The following TBX20 variants were observed in gnomAD, a reference collection of about 807,000 sequenced individuals.
TBX20 encodes the protein T-box transcription factor 20.
In TBX20, 8 loss-of-function variants were observed where a neutral mutation model predicts 42.9. That is an observed-to-expected ratio of 0.19 (90% CI 0.11 to 0.34). The LOEUF is 0.34. Among genes scored for constraint, TBX20 ranks in the 10% least tolerant of loss-of-function variants. The pLI is 1.00. For missense variants in TBX20, 411 were observed against 566.0 expected, an observed-to-expected ratio of 0.73 and a Z score of 2.78; for synonymous variants, 198 against 222.8, an observed-to-expected ratio of 0.89 and a Z score of 0.99.
At chr7:35,212,877 TA>T (rs1394702649) in intron 6 of TBX20, among the ~76,000 whole-genome samples, 1 of 152,212 alleles carries the variant, frequency 6.6e-6, no homozygotes, top group Non-Finnish European at 1.5e-5. Flanking sequence ...AGGGATCCTC[TA>T]TAAATCTTTG....
chr7:35,222,416 C>T (rs773646671), intron 6 of TBX20, among the ~76,000 whole-genome samples: 4 of 152,072 alleles, frequency 2.6e-5, no homozygotes, highest in African/African-American at 4.8e-5. Context: ...AGAAATGGTT[C>T]AAAGAAGCAC....
chr7:35,222,785 G>A (rs1301088031), intron 6 of TBX20, among the ~76,000 whole-genome samples: 8 of 152,192 alleles, frequency 5.3e-5, no homozygotes, highest in South Asian at 2.1e-4. Flanking sequence ...GAGGCAACTG[G>A]GTCAGGTGGG....
rs367655217 is a variant in TBX20, at chr7:35,250,226, A to C, written c.128-23T>G. The C allele has an allele frequency of 5.0e-6, 8 of 1,613,624 alleles. No homozygotes were observed. The African/African-American group carries it at 1.1e-4, about 22-fold the overall frequency. On this transcript the variant is annotated intron_variant, in intron 1 of 7. Transcript: ENST00000408931. ...GCTCTGGAGGTAAAGAGAATTGTGA[A>C]TGACAGCTGACACTGTTCAACAAGG...
chr7:35,249,920 C>G lies in TBX20; in HGVS notation c.380+31G>C. ...CCCAGGGAGTGTCCTGACTCTCCAC[C>G]CCCAACCCCCAACCCCCAAGTCCCA... On this transcript the variant is annotated intron_variant, in intron 2 of 7. Coordinates refer to ENST00000408931, the MANE Select transcript of TBX20 (RefSeq NM_001077653.2). This position sits in a 1 kb window ranked among gnomAD's most constrained non-coding sequence, Gnocchi z 4.3. 1 of 1,582,424 alleles carries G rather than the reference C, an allele frequency of 6.3e-7. No individual in the cohort carries two copies. The highest frequency in any genetic ancestry group is 1.3e-5 in the African/African-American group (1 of 74,638).
chr7:35,215,478 A>G (rs578252081), intron 6 of TBX20, among the ~76,000 whole-genome samples: 127 of 152,298 alleles, frequency 8.3e-4, no homozygotes, highest in Non-Finnish European at 1.5e-3. Context: ...CTGAAAAATG[A>G]GAATGGCTCA....
At chr7:35,253,421 G>T in intron 1 of TBX20, 73 bp downstream of exon 1, 1 of 1,544,466 alleles carries the variant, frequency 6.5e-7, no homozygotes. Context: ...GCTGCGAGCC[G>T]CCTGCAGCCA....
chr7:35,237,648 T>C (rs1397056620), intron 5 of TBX20, among the ~76,000 whole-genome samples: 1 of 152,076 alleles, frequency 6.6e-6, no homozygotes, highest in Non-Finnish European at 1.5e-5. Context: ...GTGGAAGGCA[T>C]GTGAGGTTCA....
intron 6 of TBX20, among the ~76,000 whole-genome samples, chr7:35,229,368 A>G: frequency 6.6e-6 from 1 of 152,156 alleles, no homozygotes; most frequent in Non-Finnish European, 1.5e-5. Flanking sequence ...TTAGGTCTCT[A>G]AAGATCAATT....
At chr7:35,245,319 G>GGGGTGTGTGT (rs1554287407) in intron 3 of TBX20, among the ~76,000 whole-genome samples, 5 of 146,398 alleles carry the variant, frequency 3.4e-5, no homozygotes, top group South Asian at 2.2e-4. Context: ...TGTTTAAAGG[G>GGGGTGTGTGT]GTGTGTGTGT....
intron 6 of TBX20, among the ~76,000 whole-genome samples, chr7:35,207,980 C>T (rs1202667616): frequency 1.3e-5 from 2 of 152,060 alleles, no homozygotes; most frequent in Admixed American, 6.6e-5. Flanking sequence ...AAAAAAGACT[C>T]CTGTGATTTT....
intron 6 of TBX20, among the ~76,000 whole-genome samples, chr7:35,214,285 A>C (rs1436349436): frequency 6.6e-6 from 1 of 152,150 alleles, no homozygotes; most frequent in Non-Finnish European, 1.5e-5. Flanking sequence ...GTCGGTGGAG[A>C]AATTGACTAG....
chr7:35,207,878 T>G (rs1789426001), intron 6 of TBX20, among the ~76,000 whole-genome samples: 1 of 152,208 alleles, frequency 6.6e-6, no homozygotes, highest in African/African-American at 2.4e-5. Flanking sequence ...TTAGGTAGTA[T>G]TAGTACTCTA....
intron 6 of TBX20, among the ~76,000 whole-genome samples, chr7:35,218,434 T>C (rs1425279969): frequency 6.6e-6 from 1 of 152,086 alleles, no homozygotes; most frequent in Non-Finnish European, 1.5e-5. Flanking sequence ...TGTGTGATTA[T>C]AATGACAAAG....
At chr7:35,231,399 A>G in intron 6 of TBX20, 105 bp downstream of exon 6, 1 of 776,100 alleles carries the variant, frequency 1.3e-6, no homozygotes, top group Non-Finnish European at 2.3e-6. Context: ...AAGACTATAT[A>G]TAGTAAGGTT....
chr7:35,233,581 C>T (rs199701292), intron 5 of TBX20, among the ~76,000 whole-genome samples: 4 of 152,292 alleles, frequency 2.6e-5, no homozygotes, highest in Middle Eastern at 3.4e-3. Flanking sequence ...CCACTTATTC[C>T]GACTAGGACT....
At chr7:35,234,444 A>G (rs1385310623) in intron 5 of TBX20, among the ~76,000 whole-genome samples, 1 of 152,238 alleles carries the variant, frequency 6.6e-6, no homozygotes, top group Non-Finnish European at 1.5e-5. Context: ...CATATCTAAT[A>G]ATACTGCCAT....
intron 5 of TBX20, among the ~76,000 whole-genome samples, chr7:35,236,312 C>T (rs1473884812): frequency 6.6e-6 from 1 of 151,120 alleles, no homozygotes; most frequent in African/African-American, 2.4e-5. Context: ...CTTTTCTTCT[C>T]CCTCTTTGTT....
At chr7:35,206,308 G>A (rs1007545149) in intron 6 of TBX20, among the ~76,000 whole-genome samples, 3 of 152,248 alleles carry the variant, frequency 2.0e-5, no homozygotes, top group African/African-American at 7.2e-5. Context: ...AGCACTTGGG[G>A]AGGCCCAGGC....
intron 1 of TBX20, among the ~76,000 whole-genome samples, chr7:35,251,540 CATA>C (rs1469718212): frequency 6.6e-6 from 1 of 152,154 alleles, no homozygotes; most frequent in Non-Finnish European, 1.5e-5. Flanking sequence ...AACACATTCA[CATA>C]ATGTCTTCGG....
Sources: allele counts gnomAD v4.1 joint callset (sites outside exome capture counted in the v4.1 genomes callset), GRCh38; gene constraint gnomAD v4.1.1; non-coding constraint Gnocchi (gnomAD v3.1); transcripts MANE v1.5; gene names NCBI Gene and HGNC (gene_info 2026-07-23, HGNC 2026-07-21).